Variants in FAM81A observed in about 807,000 individuals in gnomAD.
FAM81A encodes the protein family with sequence similarity 81 member A, also known as protein FAM81A.
Under a neutral mutation model 46.7 loss-of-function variants are expected in FAM81A, and 19 were observed. The observed-to-expected ratio is 0.41, with a 90% confidence interval of 0.28 to 0.60. FAM81A has a LOEUF of 0.60. Ranked by LOEUF, FAM81A falls within the 20% of genes least tolerant of loss-of-function variation. The probability of loss-of-function intolerance (pLI) is 0.34; values close to 1 mark genes in which losing one functional copy is unlikely to be tolerated. For missense variants in FAM81A, 377 were observed against 453.5 expected (o/e 0.83, Z 1.53); for synonymous variants, 183 against 152.9 (o/e 1.20, Z -1.45).
chr15:59,411,213 C>G lies in FAM81A; in HGVS notation c.-78+8855C>G, dbSNP rs185801264. On this transcript the variant is annotated intron_variant, in intron 2 of 4. Coordinates refer to the FAM81A transcript ENST00000558348. ...ATCAAGGAGGGTTAGGGACCATGCA[C>G]AGAGCACAGGCTGGGATTTGCTTTG... is the stretch of plus-strand genomic sequence containing the variant. Among the ~76,000 whole-genome samples the G allele has an allele frequency of 2.8e-3, 433 of 152,272 alleles. 2 individuals carry two copies. Among genetic ancestry groups the G allele is most frequent in the African/African-American group, 9.8e-3 (406 of 41,550 alleles).
intron 1 of FAM81A, chr15:59,401,545 A>G: frequency 2.6e-6 from 2 of 761,278 alleles, no homozygotes; most frequent in Admixed American, 3.9e-5. Context: ...CAAAGCAGAC[A>G]TTAGTAACCA....
chr15:59,425,863 G>A (rs1479228543), intron 2 of FAM81A, among the ~76,000 whole-genome samples: 8 of 152,176 alleles, frequency 5.3e-5, no homozygotes, highest in Non-Finnish European at 8.8e-5. Context: ...GGCCTCAGGC[G>A]ATCCTCCTGT....
chr15:59,475,657 A>T (rs568237687), intron 3 of FAM81A, among the ~76,000 whole-genome samples: 1 of 152,346 alleles, frequency 6.6e-6, no homozygotes, highest in African/African-American at 2.4e-5. Flanking sequence ...AACTGAGTAA[A>T]ATCTAAATTT....
At chr15:59,471,103 C>T (rs2081682474) in intron 3 of FAM81A, among the ~76,000 whole-genome samples, 1 of 152,208 alleles carries the variant, frequency 6.6e-6, no homozygotes, top group African/African-American at 2.4e-5. Context: ...ACATGAGTCA[C>T]CACACTTGGC....
intron 3 of FAM81A, among the ~76,000 whole-genome samples, chr15:59,478,622 A>AT (rs1410343527): frequency 2.6e-5 from 4 of 152,176 alleles, no homozygotes; most frequent in African/African-American, 7.2e-5. Context: ...ATATCAGCGG[A>AT]GGGGTTTTGG....
In FAM81A at chr15:59,522,418, C is replaced by T. The variant is rs560721839; in HGVS notation, c.*1040C>T. On this transcript the variant is annotated 3_prime_UTR_variant, in exon 9 of 9. Transcript: ENST00000288228. Reference sequence around the variant, plus strand: ...TTTTTAAATGTTCTAAAAATTTTATCGCTGTTAAGGTATTAATCATTCAGT... The same window carrying T: ...TTTTTAAATGTTCTAAAAATTTTATTGCTGTTAAGGTATTAATCATTCAGT... The T allele has an allele frequency of 5.4e-4, 83 of 152,664 alleles. No homozygotes were observed. Among genetic ancestry groups the T allele is most frequent in the African/African-American group, 1.8e-3 (76 of 41,528 alleles). The allele number at this position is 152,664 out of a possible 1,614,324, so 9.5% of individuals were successfully genotyped here.
chr15:59,519,348 C>A (rs2082302430), intron 8 of FAM81A, among the ~76,000 whole-genome samples: 1 of 151,780 alleles, frequency 6.6e-6, no homozygotes, highest in African/African-American at 2.4e-5. Context: ...ACCACCAGGC[C>A]CAGCTAATTT....
rs546375077 is a variant in FAM81A, at chr15:59,473,743, C to T, written c.294+13537C>T. On this transcript the variant is annotated intron_variant, in intron 3 of 8. Transcript: ENST00000288228. Reference sequence around the variant, plus strand: ...TCCTGGTCTTAATTTTTTCTGTCAACGTAAGAGGTGATAGTGTTTTAGCTG... The same window carrying T: ...TCCTGGTCTTAATTTTTTCTGTCAATGTAAGAGGTGATAGTGTTTTAGCTG... Among the ~76,000 whole-genome samples the T allele has an allele frequency of 3.3e-5, 5 of 152,262 alleles. No individual in the cohort carries two copies. The South Asian group carries it at 8.3e-4, about 25-fold the overall frequency.
intron 4 of FAM81A, among the ~76,000 whole-genome samples, chr15:59,498,528 T>A (rs1307277274): frequency 2.6e-5 from 4 of 152,254 alleles, no homozygotes; most frequent in African/African-American, 9.6e-5. Context: ...TCTTGCCTAA[T>A]TGCCCTGACT....
intron 7 of FAM81A, among the ~76,000 whole-genome samples, chr15:59,516,262 A>T (rs1346714077): frequency 1.3e-5 from 2 of 151,630 alleles, no homozygotes; most frequent in Non-Finnish European, 2.9e-5. Flanking sequence ...TGTAGCTGGG[A>T]TTACAGGCAC....
At chr15:59,455,121 A>T (rs905048832) in intron 1 of FAM81A, among the ~76,000 whole-genome samples, 1 of 149,564 alleles carries the variant, frequency 6.7e-6, no homozygotes. Context: ...GGCTGGTCTC[A>T]AACTCCTGAG....
intron 1 of FAM81A, among the ~76,000 whole-genome samples, chr15:59,399,812 G>C (rs1219645870): frequency 6.6e-6 from 1 of 152,166 alleles, no homozygotes; most frequent in Non-Finnish European, 1.5e-5. Flanking sequence ...AGTTTAGTGT[G>C]AGTGGCCAGC....
chr15:59,476,466 A>T (rs2081769801), intron 3 of FAM81A, among the ~76,000 whole-genome samples: 1 of 152,162 alleles, frequency 6.6e-6, no homozygotes, highest in Non-Finnish European at 1.5e-5. Flanking sequence ...ACTAAAAGGA[A>T]GTCTTCATTT....
intron 2 of FAM81A, among the ~76,000 whole-genome samples, chr15:59,432,399 G>A (rs2081224309): frequency 6.6e-6 from 1 of 152,188 alleles, no homozygotes; most frequent in Non-Finnish European, 1.5e-5. Flanking sequence ...CACATTCTTT[G>A]ATATGTGCTG....
intron 7 of FAM81A, 29 bp downstream of exon 7, chr15:59,514,453 G>A (rs754153376): frequency 6.2e-7 from 1 of 1,605,646 alleles, no homozygotes; most frequent in Non-Finnish European, 8.5e-7. Flanking sequence ...CAAAAATTTA[G>A]TAAAGTTATT....
At chr15:59,441,025 C>G (rs992926208) in intron 1 of FAM81A, among the ~76,000 whole-genome samples, 5 of 152,146 alleles carry the variant, frequency 3.3e-5, no homozygotes, top group Non-Finnish European at 5.9e-5. Context: ...TCCTCAAGGC[C>G]CCCAAGCATC....
intron 3 of FAM81A, among the ~76,000 whole-genome samples, chr15:59,461,388 C>A (rs530479219): frequency 6.6e-6 from 1 of 152,110 alleles, no homozygotes; most frequent in Non-Finnish European, 1.5e-5. Context: ...CAGGCTCAAC[C>A]GATCCTCCTG....
chr15:59,516,769 A>G lies in FAM81A; in HGVS notation c.911A>G (p.His304Arg). The G allele has an allele frequency of 6.2e-7, 1 of 1,613,380 alleles. No homozygotes were observed. The highest frequency in any genetic ancestry group is 8.5e-7 in the Non-Finnish European group (1 of 1,179,708). Residue 304 changes from histidine (H) to arginine (R), a missense_variant, in exon 8 of 9, where the codon CAC becomes CGC. By Grantham distance (29) the His-to-Arg change is conservative (BLOSUM62 0). Coordinates refer to ENST00000288228, the MANE Select transcript of FAM81A (RefSeq NM_152450.3). Reference protein sequence around the residue: ...QRTRQEEEKMHGRITKLELQM... With the variant: ...QRTRQEEEKMRGRITKLELQM... ...ACAAGGCAAGAAGAGGAGAAGATGC[A>G]CGGGCGAATCACCAAGCTGGAGTTA...
At chr15:59,472,780 C>G (rs2081712572) in intron 3 of FAM81A, among the ~76,000 whole-genome samples, 1 of 152,076 alleles carries the variant, frequency 6.6e-6, no homozygotes, top group Admixed American at 6.6e-5. Flanking sequence ...CATTAACCCC[C>G]TTAAGTTAGT....
Sources: gnomAD v4.1 joint callset for allele counts (sites outside exome capture counted in the v4.1 genomes callset) on GRCh38, gnomAD v4.1.1 for gene constraint, MANE v1.5 for transcripts, NCBI Gene and HGNC (gene_info 2026-07-23, HGNC 2026-07-21) for gene names.